DNAAF1: variants seen among roughly 807,000 people sequenced by gnomAD.
The protein encoded by DNAAF1 is dynein axonemal assembly factor 1, also known as dynein assembly factor 1, axonemal.
DNAAF1 carries 65 observed loss-of-function variants against 71.1 expected under a neutral mutation model. That is an observed-to-expected ratio of 0.91 (90% confidence interval 0.75 to 1.12). DNAAF1 has a LOEUF of 1.12. DNAAF1 is among the 50% of genes most tolerant of loss of function. The pLI is 0.00. For synonymous variants in DNAAF1, 414 were observed against 354.6 expected (o/e 1.17, Z -1.88); for missense variants, 1,178 against 899.8 (o/e 1.31, Z -3.96).
chr16:84,150,419 G>C, intron 3 of DNAAF1, 77 bp downstream of exon 3: 1 of 1,132,890 alleles, frequency 8.8e-7, no homozygotes, highest in Non-Finnish European at 1.3e-6. Flanking sequence ...TACTTGCAGG[G>C]ATCACCTTTA....
intron 9 of DNAAF1, chr16:84,174,338 G>C (rs1354497573): frequency 8.0e-7 from 1 of 1,252,076 alleles, no homozygotes; most frequent in Non-Finnish European, 1.0e-6. Context: ...TTGTACAGAG[G>C]TGCATTTGGT....
rs141595220 is a variant in DNAAF1 at position 84,149,444 on chromosome 16, C to T, written c.260+302C>T. On this transcript the variant is annotated intron_variant, in intron 2 of 11. Coordinates refer to ENST00000378553, the MANE Select transcript of DNAAF1 (RefSeq NM_178452.6). ...CAGTGGCTCATGCCTGTAATCCCAG[C>T]ACTTTGGGAGGCTGAGGTGGGCGAA... Among the ~76,000 whole-genome samples the T allele has an allele frequency of 3.2e-3, 490 of 152,168 alleles. 2 individuals carry two copies. The highest frequency in any genetic ancestry group is 0.011 in the African/African-American group (450 of 41,512).
Position 84,173,412 on chromosome 16 carries a change from C to T in DNAAF1, c.1644+1037C>T, listed in dbSNP as rs369952167. ...CTGGGAGGTGGAGCTTGCAGTGAGC[C>T]GAGATCACGCCACTGCACTCCAACC... On this transcript the variant is annotated intron_variant, in intron 9 of 11. Coordinates refer to ENST00000378553, the MANE Select transcript of DNAAF1 (RefSeq NM_178452.6). The T allele has an allele frequency of 4.7e-5, 40 of 849,746 alleles. 1 individual carries two copies. In the East Asian group the frequency reaches 1.1e-3, roughly 24 times the overall value. The allele number at this position is 849,746 out of a possible 1,614,324, so 52.6% of individuals were successfully genotyped here. A position where few individuals can be genotyped will look rare whatever the true frequency, so the allele number is the denominator to read the frequency against.
intron 2 of DNAAF1, 111 bp downstream of exon 2, chr16:84,149,253 C>G: frequency 7.2e-7 from 1 of 1,396,262 alleles, no homozygotes; most frequent in Non-Finnish European, 1.0e-6. Context: ...AATTGCCTGC[C>G]CAATGTCTGA....
chr16:84,150,593 A>G lies in DNAAF1; in HGVS notation c.352+251A>G, dbSNP rs774724694. 4.6e-5 allele frequency among the ~76,000 whole-genome samples: 7 copies of G among 151,472 alleles called. No homozygotes were observed. The South Asian group carries it at 1.2e-3, about 27-fold the overall frequency. On this transcript the variant is annotated intron_variant, in intron 3 of 11. Transcript: ENST00000378553. ...CATTATCTTTCATTTTTGTTTCCTA[A>G]GGAATTTTTTTTTCTTTTCTTTCTT...
intron 7 of DNAAF1, among the ~76,000 whole-genome samples, chr16:84,166,370 C>CT (rs535417461): frequency 0.054 from 6,414 of 118,640 alleles, 306 homozygotes; most frequent in African/African-American, 0.13. Context: ...TTCTTTTTTT[C>CT]TTTTTTTTTT....
intron 5 of DNAAF1, among the ~76,000 whole-genome samples, chr16:84,156,256 C>T (rs543228956): frequency 6.6e-6 from 1 of 152,236 alleles, no homozygotes; most frequent in Non-Finnish European, 1.5e-5. Flanking sequence ...AGCCATTGTG[C>T]CCAACCACCA....
In DNAAF1 at chr16:84,172,292, G is replaced by A; in HGVS notation, c.1561G>A (p.Val521Ile). The A allele has an allele frequency of 1.2e-6, 2 of 1,614,210 alleles. No homozygotes were observed. The highest frequency in any genetic ancestry group is 1.7e-6 in the Non-Finnish European group (2 of 1,180,040). ...TCCCCAGGCTGTGGCCACTGAGGGT[G>A]TATTCGTTACAGAACTTGATGGAAC... is the stretch of plus-strand genomic sequence containing the variant. ...PTPQAVATEG[V>I]FVTELDGTRT... The change falls in exon 9 of 12, where the codon GTA (valine) becomes ATA (isoleucine). Residue 521 changes from valine (V) to isoleucine (I), a missense_variant. Transcript: ENST00000378553.
At chr16:84,175,826 A>G in intron 10 of DNAAF1, 107 bp from the exon 11 acceptor site, 3 of 1,425,628 alleles carry the variant, frequency 2.1e-6, no homozygotes, top group East Asian at 2.3e-5. Context: ...ATGTGGCAAC[A>G]GAATACTTTG....
Position 84,150,305 on chromosome 16 carries a change from C to T in DNAAF1, c.315C>T (p.Thr105=), listed in dbSNP as rs144962513. ...GCAAGCAGCACAAGCTTTATATTAC[C>T]CCAGCATTGAATGATACGCTGTATT... ...KLCKQHKLYI[T]PALNDTLYLH... Residue 105 remains threonine (T), a synonymous_variant, in exon 3 of 12, where the codon ACC becomes ACT. Coordinates refer to ENST00000378553, the MANE Select transcript of DNAAF1 (RefSeq NM_178452.6). 1 of 1,613,792 alleles carries T rather than the reference C, an allele frequency of 6.2e-7. No homozygotes were observed. Among genetic ancestry groups the T allele is most frequent in the South Asian group, 1.1e-5 (1 of 91,086 alleles).
At chr16:84,172,445 G>C in intron 9 of DNAAF1, 70 bp downstream of exon 9, 1 of 1,578,944 alleles carries the variant, frequency 6.3e-7, no homozygotes, top group East Asian at 2.3e-5. Context: ...ATCAGATGCA[G>C]ACTTTGGAGA....
At chr16:84,152,522 T>C (rs1451300927) in intron 3 of DNAAF1, among the ~76,000 whole-genome samples, 1 of 151,472 alleles carries the variant, frequency 6.6e-6, no homozygotes, top group Non-Finnish European at 1.5e-5. Flanking sequence ...TGATGGTGCA[T>C]GCCTGTAATC....
At chr16:84,169,750 T>C (rs35849241) in intron 7 of DNAAF1, 109 bp from the exon 8 acceptor site, 2 of 1,504,458 alleles carry the variant, frequency 1.3e-6, no homozygotes, top group African/African-American at 2.8e-5. Context: ...ACTGTGTTCC[T>C]GACCTTTTCC....
rs138158514 is a variant in DNAAF1, at chr16:84,169,640, T to G, written c.1031-219T>G. Among the ~76,000 whole-genome samples, 5,434 of 152,050 alleles carry G rather than the reference T, an allele frequency of 0.036. 136 individuals are homozygous for G. Among genetic ancestry groups the G allele is most frequent in the Middle Eastern group, 0.1 (30 of 292 alleles). On this transcript the variant is annotated intron_variant, in intron 7 of 11. Coordinates refer to ENST00000378553, the MANE Select transcript of DNAAF1 (RefSeq NM_178452.6). ...TTCGTCATGTTGGCCAGCCTGGTTT[T>G]GAACTCCTGGCCTCAAGTGATCCAC...
rs1242186095 is a variant in DNAAF1 at position 84,165,944 on chromosome 16, A to C, written c.1025A>C (p.Glu342Ala). 2 of 1,612,694 alleles carry C rather than the reference A, an allele frequency of 1.2e-6. No individual in the cohort carries two copies. Among genetic ancestry groups the C allele is most frequent in the Non-Finnish European group, 1.7e-6 (2 of 1,179,684 alleles). Residue 342 changes from glutamate (E) to alanine (A), a missense_variant, in exon 7 of 12, where the codon GAG becomes GCG. By Grantham distance (107) the Glu-to-Ala change is moderately radical. Coordinates refer to ENST00000378553, the MANE Select transcript of DNAAF1 (RefSeq NM_178452.6). ...AGGAAAAGACAGAGAGAGAGTCAAG[A>C]GAGAGGTATGCGCTCGGCCGAAGAC... ...EERKRQRESQ[E>A]RGEMTSSDDG...
chr16:84,174,732 A>T lies in DNAAF1; in HGVS notation c.1698+10A>T, dbSNP rs1366558589. The T allele has an allele frequency of 1.9e-6, 3 of 1,614,104 alleles. No individual in the cohort carries two copies. The highest frequency in any genetic ancestry group is 2.7e-5 in the African/African-American group (2 of 74,942). ...ATCTCTGGAAGACCAGGTTAAGGTC[A>T]TTAGAAACCATTTTCCCACAGGCAG... On this transcript the variant is annotated intron_variant, in intron 10 of 11. Transcript: ENST00000378553.
chr16:84,164,327 C>T (rs1010366924), intron 6 of DNAAF1, among the ~76,000 whole-genome samples: 5 of 152,148 alleles, frequency 3.3e-5, no homozygotes, highest in Admixed American at 6.6e-5. Context: ...TGTATGGGTT[C>T]GGACAAAGGT....
At chr16:84,172,770 T>G (rs1429139435) in intron 9 of DNAAF1, 23 of 1,119,258 alleles carry the variant, frequency 2.1e-5, no homozygotes, top group African/African-American at 3.3e-5. Context: ...CATTGTATCT[T>G]TATACATTGT....
chr16:84,152,746 G>C (rs556091006), intron 3 of DNAAF1, among the ~76,000 whole-genome samples: 20 of 151,944 alleles, frequency 1.3e-4, no homozygotes, highest in African/African-American at 4.3e-4. Flanking sequence ...CTGAGGTAAG[G>C]AGTTCGAGAC....
Sources: allele counts gnomAD v4.1 joint callset (sites outside exome capture counted in the v4.1 genomes callset), GRCh38; gene constraint gnomAD v4.1.1; transcripts MANE v1.5; gene names NCBI Gene and HGNC (gene_info 2026-07-23, HGNC 2026-07-21).